Variants in SBNO1 observed in about 807,000 individuals in gnomAD.
The protein encoded by SBNO1 is strawberry notch homolog 1.
SBNO1 carries 23 observed loss-of-function variants against 173.6 expected under a neutral mutation model. The ratio of observed to expected loss-of-function variants is 0.13; its 90% CI spans 0.10 to 0.19. The LOEUF (loss-of-function observed/expected upper bound fraction) is 0.19. SBNO1 is among the 10% of genes least tolerant of loss of function. The pLI, the probability that SBNO1 is intolerant of heterozygous loss-of-function variation, is 1.00. For synonymous variants in SBNO1, 632 were observed against 571.5 expected (o/e 1.11, Z -1.51); for missense variants, 1,238 against 1,671.2 (o/e 0.74, Z 4.52).
chr12:123,364,291 T>C (rs989201556), intron 1 of SBNO1: 124 of 985,494 alleles, frequency 1.3e-4, no homozygotes, highest in Non-Finnish European at 1.5e-4. Context: ...GATCCGGTCC[T>C]TACTTTCCCC....
chr12:123,319,009 G>A (rs114297596), intron 20 of SBNO1, among the ~76,000 whole-genome samples: 53 of 150,818 alleles, frequency 3.5e-4, no homozygotes, highest in African/African-American at 1.3e-3. Flanking sequence ...TGCTGCCCAG[G>A]TGGAAATGCA....
chr12:123,337,928 A>G (rs1872048062), intron 5 of SBNO1, among the ~76,000 whole-genome samples: 1 of 152,192 alleles, frequency 6.6e-6, no homozygotes, highest in Non-Finnish European at 1.5e-5. Flanking sequence ...TAATTGAATA[A>G]CTGAAGGATA....
intron 1 of SBNO1, chr12:123,364,099 G>A: frequency 1.0e-6 from 1 of 985,528 alleles, no homozygotes; most frequent in Non-Finnish European, 1.2e-6. Flanking sequence ...TAAGCGAGTC[G>A]CCTGGAGAGG....
intron 31 of SBNO1, 69 bp from the exon 32 acceptor site, chr12:123,296,119 A>G: frequency 1.0e-6 from 1 of 964,796 alleles, no homozygotes; most frequent in South Asian, 1.5e-5. Context: ...TTCACAGCAG[A>G]TTCCAAATGA....
intron 30 of SBNO1, among the ~76,000 whole-genome samples, chr12:123,301,987 C>T (rs1443169640): frequency 1.3e-5 from 2 of 151,654 alleles, no homozygotes; most frequent in East Asian, 3.9e-4. Flanking sequence ...GTTGCCCAGG[C>T]TGGAGTGCAG....
Position 123,319,995 on chromosome 12 carries a change from C to T in SBNO1, c.2704G>A (p.Asp902Asn), listed in dbSNP as rs1869764291. Residue 902 changes from aspartate to asparagine, a missense_variant, in exon 20 of 32, where the codon GAT becomes AAT. By Grantham distance (23) the Asp-to-Asn change is conservative. This residue lies in a region of SBNO1 where 45 missense variants were observed against 85.5 expected (regional missense o/e 0.53). Coordinates refer to ENST00000602398, the MANE Select transcript of SBNO1 (RefSeq NM_001167856.3). ...GRKGRVVSND[D>N]GSISYESRSE... is the part of the protein sequence containing the mutation. ...CTTGACTCATAAGATATGCTTCCAT[C>T]ATCATTGCTCACAACCCGTCCCTTG... 1 of 1,614,136 alleles carries T rather than the reference C, an allele frequency of 6.2e-7. No individual in the cohort carries two copies. Among genetic ancestry groups the T allele is most frequent in the South Asian group, 1.1e-5 (1 of 91,072 alleles).
At chr12:123,296,672 T>C (rs1326688484) in intron 31 of SBNO1, among the ~76,000 whole-genome samples, 1 of 151,808 alleles carries the variant, frequency 6.6e-6, no homozygotes, top group Non-Finnish European at 1.5e-5. Flanking sequence ...GTGATTCTCC[T>C]GCCTCAGCCT....
chr12:123,311,720 C>CTATCTATCTATCTATATATATATA (rs1224940028), intron 24 of SBNO1, among the ~76,000 whole-genome samples: 1 of 127,434 alleles, frequency 7.8e-6, no homozygotes, highest in Non-Finnish European at 1.6e-5. Flanking sequence ...ATCTATCTAT[C>CTATCTATCTATCTATATATATATA]TATATATATA....
At chr12:123,350,243 G>A (rs1304922244) in intron 2 of SBNO1, 67 bp downstream of exon 2, 96 of 1,583,678 alleles carry the variant, frequency 6.1e-5, no homozygotes, top group Non-Finnish European at 7.8e-5. Flanking sequence ...CACAGAGTGA[G>A]ACTATCTTAA....
chr12:123,334,095 C>A lies in SBNO1; in HGVS notation c.867G>T (p.Trp289Cys). The A allele has an allele frequency of 6.2e-7, 1 of 1,602,848 alleles. No homozygotes were observed. The highest frequency in any genetic ancestry group is 8.5e-7 in the Non-Finnish European group (1 of 1,175,582). ...TTGCCTCAAGCTGCAATGCTGATAA[C>A]CAGCCATTATCAATGGTTTCCTCAG... ...SISEETIDNG[W>C]LSALQLEAIT... Residue 289 changes from tryptophan (W) to cysteine (C), a missense_variant, in exon 7 of 32, where the codon TGG becomes TGT. Transcript: ENST00000602398.
chr12:123,349,894 C>A (rs1199754844), intron 2 of SBNO1, among the ~76,000 whole-genome samples: 1 of 151,258 alleles, frequency 6.6e-6, no homozygotes, highest in Non-Finnish European at 1.5e-5. Flanking sequence ...GCCTGGGTGA[C>A]AGAGCAAGAC....
intron 1 of SBNO1, among the ~76,000 whole-genome samples, chr12:123,361,892 G>C (rs1875253453): frequency 6.6e-6 from 1 of 152,102 alleles, no homozygotes; most frequent in Admixed American, 6.6e-5. Flanking sequence ...TGTAATCCCA[G>C]CACTTTGGGA....
At chr12:123,320,149 C>A in intron 19 of SBNO1, 118 bp from the exon 20 acceptor site, 6 of 1,148,432 alleles carry the variant, frequency 5.2e-6, no homozygotes, top group Non-Finnish European at 7.5e-6. Flanking sequence ...GCACCACACA[C>A]TGAAGGATAC....
At chr12:123,359,554 CAA>C (rs62698860) in intron 1 of SBNO1, among the ~76,000 whole-genome samples, 4 of 136,920 alleles carry the variant, frequency 2.9e-5, no homozygotes, top group East Asian at 2.2e-4. Flanking sequence ...GACTCCGTCT[CAA>C]AAAAAAAAAA....
At chr12:123,303,641 G>T (rs948999096) in intron 29 of SBNO1, among the ~76,000 whole-genome samples, 1 of 145,356 alleles carries the variant, frequency 6.9e-6, no homozygotes, top group Non-Finnish European at 1.5e-5. Context: ...CAGAACCTTA[G>T]AAGTTTCTTA....
chr12:123,344,450 C>A (rs909335241), intron 4 of SBNO1, among the ~76,000 whole-genome samples: 8 of 152,188 alleles, frequency 5.3e-5, no homozygotes, highest in South Asian at 2.1e-4. Flanking sequence ...ACCAGATGAT[C>A]TGAAAATTTT....
chr12:123,317,189 CAT>C (rs1255657144), intron 21 of SBNO1, 30 bp downstream of exon 21: 1 of 1,610,790 alleles, frequency 6.2e-7, no homozygotes, highest in Non-Finnish European at 8.5e-7. Flanking sequence ...CCTAGCTATC[CAT>C]TAAGTGAAAT....
At chr12:123,359,524 CAGACTGGGCAACAGAGGG>C (rs1358564433) in intron 1 of SBNO1, among the ~76,000 whole-genome samples, 1 of 141,438 alleles carries the variant, frequency 7.1e-6, no homozygotes, top group Non-Finnish European at 1.5e-5. Context: ...TCGTGCACTC[CAGACTGGGCAACAGAGGG>C]AGACTCCGTC....
chr12:123,308,466 C>G lies in SBNO1; in HGVS notation c.3630+844G>C, dbSNP rs529979296. 4.0e-5 allele frequency among the ~76,000 whole-genome samples: 6 copies of G among 151,626 alleles called. No homozygotes were observed. In the East Asian group the frequency reaches 1.2e-3, roughly 30 times the overall value. Reference sequence around the variant, plus strand: ...CGGGCAGATCACGAGGTCAGGAGATCGAGACCATCTTGGCTAACACGGTGA... The same window carrying G: ...CGGGCAGATCACGAGGTCAGGAGATGGAGACCATCTTGGCTAACACGGTGA... On this transcript the variant is annotated intron_variant, in intron 28 of 31. Transcript: ENST00000602398.
Sources: gnomAD v4.1 joint callset for allele counts (sites outside exome capture counted in the v4.1 genomes callset) on GRCh38, gnomAD v4.1.1 for gene constraint, gnomAD v4.1.1 regional missense constraint, MANE v1.5 for transcripts, NCBI Gene and HGNC (gene_info 2026-07-23, HGNC 2026-07-21) for gene names.